Variants in ABCA2 observed in about 807,000 individuals in gnomAD.
ABCA2 encodes the protein ATP-binding cassette sub-family A member 2.
In ABCA2, 84 loss-of-function variants were observed where a neutral mutation model predicts 262.8. The ratio of observed to expected loss-of-function variants is 0.32; its 90% confidence interval spans 0.27 to 0.38. The LOEUF is 0.38. Ranked by LOEUF, ABCA2 falls within the 10% of genes least tolerant of loss-of-function variation. The pLI, the probability that ABCA2 is intolerant of heterozygous loss-of-function variation, is 1.00. For missense variants in ABCA2, 2,662 were observed against 3,405.9 expected, an observed-to-expected ratio of 0.78 and a Z score of 5.44; for synonymous variants, 1,696 against 1,502.9, an observed-to-expected ratio of 1.13 and a Z score of -2.97.
At position 137,009,347 on chromosome 9, in the gene ABCA2, C is replaced by CCCCTGG. The variant is rs753353517; in HGVS notation, c.6827+17_6827+22dup. On this transcript the variant is annotated intron_variant, in intron 45 of 48. Transcript: ENST00000341511. ...CCCCCCCCGGGCCCGCCCCAGCCCA[C>CCCCTGG]CCCTGGCCCTGCCCCGGCTCACCGG... The CCCCTGG allele has an allele frequency of 1.4e-5, 22 of 1,555,986 alleles. No individual in the cohort carries two copies. In the African/African-American group the frequency reaches 2.8e-4, roughly 20 times the overall value.
chr9:137,023,094 G>A, intron 3 of ABCA2, 42 bp from the exon 4 acceptor site: 1 of 1,423,110 alleles, frequency 7.0e-7, no homozygotes, highest in South Asian at 1.2e-5. Flanking sequence ...GGGTGAAAGG[G>A]GAGAGAGAGA....
At position 137,007,785 on chromosome 9, in the gene ABCA2, G is replaced by A; in HGVS notation, c.*144C>T. On this transcript the variant is annotated 3_prime_UTR_variant, in exon 49 of 49. Transcript: ENST00000341511. ...CCACAGGGCATGGCCGAGTACAGGG[G>A]CTGGAGGACCAGAAGCCCCTTGGTC... is the stretch of plus-strand genomic sequence containing the variant. 2 of 1,152,308 alleles carry A rather than the reference G, an allele frequency of 1.7e-6. No individual in the cohort carries two copies. Among genetic ancestry groups the A allele is most frequent in the South Asian group, 2.7e-5 (2 of 74,438 alleles). 71.4% of individuals were successfully genotyped at this position (1,152,308 alleles called of 1,614,324 possible).
Position 137,011,760 on chromosome 9 carries a change from G to C in ABCA2, c.5536-11C>G, listed in dbSNP as rs965511425. On this transcript the variant is annotated splice_polypyrimidine_tract_variant and intron_variant, in intron 35 of 48. Transcript: ENST00000341511. This position sits in a 1 kb window ranked among gnomAD's most constrained non-coding sequence, Gnocchi z 8.8. ...GACCAGGTAGTTGAGCTGCAGGGGT[G>C]GGGGCGGCTGGTGAGAGACCCGGGG... The C allele has an allele frequency of 9.0e-6, 14 of 1,550,304 alleles. No individual in the cohort carries two copies. Among genetic ancestry groups the C allele is most frequent in the Middle Eastern group, 3.3e-4 (2 of 5,992 alleles).
chr9:137,012,682 C>T, intron 31 of ABCA2, 30 bp downstream of exon 31: 2 of 1,611,484 alleles, frequency 1.2e-6, no homozygotes, highest in African/African-American at 1.3e-5. Context: ...GGCCGGCCAC[C>T]CTCACCCACA....
intron 40 of ABCA2, 115 bp from the exon 41 acceptor site, chr9:137,010,486 G>A: frequency 2.6e-6 from 3 of 1,154,478 alleles, no homozygotes; most frequent in South Asian, 2.8e-5. Context: ...GTGCCCCACA[G>A]CCCCACCCCA....
intron 1 of ABCA2, among the ~76,000 whole-genome samples, 195 bp from the exon 2 acceptor site, chr9:137,024,431 A>G (rs1831582742): frequency 6.6e-6 from 1 of 152,218 alleles, no homozygotes; most frequent in Non-Finnish European, 1.5e-5. Flanking sequence ...TGTCTGGCTC[A>G]GCAAATCAGG....
Position 137,015,034 on chromosome 9 carries a change from A to G in ABCA2, c.3761T>C (p.Val1254Ala). Reference sequence around the variant, plus strand: ...CACATGCTTGCGGATGAACTGGGACACCTGGAGCTCGGAGCAGCTGCTCAG... The same window carrying G: ...CACATGCTTGCGGATGAACTGGGACGCCTGGAGCTCGGAGCAGCTGCTCAG... The part of the protein sequence containing the change: ...APLSSCSELQ[V>A]SQFIRKHVAS... Residue 1254 changes from valine to alanine, a missense_variant, in exon 25 of 49, where the codon GTG becomes GCG. By Grantham distance (64) the Val-to-Ala change is moderately conservative. Transcript: ENST00000341511. 6.2e-7 allele frequency: 1 copy of G among 1,607,648 alleles called. No individual in the cohort carries two copies. The highest frequency in any genetic ancestry group is 8.5e-7 in the Non-Finnish European group (1 of 1,177,362).
At chr9:137,025,973 G>A (rs1198888755) in intron 1 of ABCA2, among the ~76,000 whole-genome samples, 1 of 152,218 alleles carries the variant, frequency 6.6e-6, no homozygotes, top group African/African-American at 2.4e-5. Flanking sequence ...CCAGCCCAGT[G>A]CCTTCACATC....
At chr9:137,008,322 C>A (rs1456725101) in intron 48 of ABCA2, 94 bp downstream of exon 48, 1 of 1,416,300 alleles carries the variant, frequency 7.1e-7, no homozygotes, top group East Asian at 2.5e-5. Context: ...ATCCTGGGGC[C>A]AGTTCTCCCC....
rs370123392 is a variant in ABCA2, at chr9:137,019,106, G to A, written c.1555-36C>T. On this transcript the variant is annotated intron_variant, in intron 11 of 48. Coordinates refer to ENST00000341511, the MANE Select transcript of ABCA2 (RefSeq NM_001606.5). The surrounding 1 kb of genome is among the most constrained non-coding windows in gnomAD (Gnocchi z 4.4). Reference sequence around the variant, plus strand: ...AGGGGCGGCTCAGAGGGGGACCTGCGCCTGCCGAGCCGGGCAGAGAGGGGC... The same window carrying A: ...AGGGGCGGCTCAGAGGGGGACCTGCACCTGCCGAGCCGGGCAGAGAGGGGC... 62 of 1,601,632 alleles carry A rather than the reference G, an allele frequency of 3.9e-5. No individual in the cohort carries two copies. In the African/African-American group the frequency reaches 6.7e-4, roughly 17 times the overall value.
At chr9:137,010,149 CG>C (rs768767323) in intron 41 of ABCA2, 25 bp from the exon 42 acceptor site, 2 of 1,591,666 alleles carry the variant, frequency 1.3e-6, no homozygotes, top group Admixed American at 1.7e-5. Flanking sequence ...GCTGTCAGCG[CG>C]TGAGGACGCG....
In ABCA2 at chr9:137,018,333, C is replaced by T. The variant is rs368762705; in HGVS notation, c.1838G>A (p.Arg613Gln). Residue 613 changes from arginine to glutamine, a missense_variant, in exon 14 of 49, where the codon CGG becomes CAG. Arg to Gln is a conservative substitution (Grantham distance 43, BLOSUM62 1). Coordinates refer to ENST00000341511, the MANE Select transcript of ABCA2 (RefSeq NM_001606.5). ...GTGAGGCGGGAGCGAGCCGTCCTTC[C>T]GGGTCTGGAAGATCACACCTGGGGC... ...TVFASVIFQT[R>Q]KDGSLPPHVH... 4.2e-5 allele frequency: 57 copies of T among 1,344,202 alleles called. No homozygotes were observed. The Middle Eastern group carries it at 6.3e-4, about 15-fold the overall frequency. The allele number at this position is 1,344,202 out of a possible 1,614,324, so 83.3% of individuals were successfully genotyped here.
Position 137,007,787 on chromosome 9 carries a change from TGGAGGACCAGAAGCCCC to T in ABCA2, c.*125_*141del. On this transcript the variant is annotated 3_prime_UTR_variant, in exon 49 of 49. Coordinates refer to ENST00000341511, the MANE Select transcript of ABCA2 (RefSeq NM_001606.5). ...ACAGGGCATGGCCGAGTACAGGGGC[TGGAGGACCAGAAGCCCC>T]TTGGTCCTGAACCTCCACTCCAGGC... 1 of 1,176,546 alleles carries T rather than the reference TGGAGGACCAGAAGCCCC, an allele frequency of 8.5e-7. No homozygotes were observed. The highest frequency in any genetic ancestry group is 1.2e-6 in the Non-Finnish European group (1 of 825,282). 72.9% of individuals were successfully genotyped at this position (1,176,546 alleles called of 1,614,324 possible).
At chr9:137,028,779 G>A (rs1564236828), upstream of ABCA2, 3 of 1,292,350 alleles carry the variant, frequency 2.3e-6, no homozygotes, top group Non-Finnish European at 3.0e-6. The surrounding 1 kb of genome is among the most constrained non-coding windows in gnomAD (Gnocchi z 6.9). Context: ...CAGCGGAAGG[G>A]GGGAAACTCG....
intron 41 of ABCA2, 33 bp downstream of exon 41, chr9:137,010,160 G>C: frequency 7.5e-6 from 12 of 1,592,654 alleles, no homozygotes; most frequent in Non-Finnish European, 1.0e-5. Context: ...GTGAGGACGC[G>C]GCGGCCCCGC....
chr9:137,011,208 G>A lies in ABCA2; in HGVS notation c.5901C>T (p.Ile1967=). Residue 1967 remains isoleucine, a synonymous_variant, in exon 38 of 49, where the codon ATC becomes ATT. Coordinates refer to ENST00000341511, the MANE Select transcript of ABCA2 (RefSeq NM_001606.5). The surrounding 1 kb of genome is among the most constrained non-coding windows in gnomAD (Gnocchi z 8.8). Reference sequence around the variant, plus strand: ...CACCAATCTTGGCGTAGTACTCGTTGATGTACTCGTTGTAGGCCATCTCCA... The same window carrying A: ...CACCAATCTTGGCGTAGTACTCGTTAATGTACTCGTTGTAGGCCATCTCCA... ...GLMEMAYNEY[I]NEYYAKIGQF... 6.2e-7 allele frequency: 1 copy of A among 1,612,562 alleles called. No individual in the cohort carries two copies.
chr9:137,012,376 C>G lies in ABCA2; in HGVS notation c.5188G>C (p.Val1730Leu). 6.2e-7 allele frequency: 1 copy of G among 1,611,988 alleles called. No homozygotes were observed. Among genetic ancestry groups the G allele is most frequent in the Admixed American group, 1.7e-5 (1 of 59,998 alleles). ...RKIAVRRAAQ[V>L]FYNNKGYHSM... ...TGATAGCCCTTGTTGTTGTAGAAAA[C>G]CTGCAGAAGGAAGAGGACACAGAAA... is the stretch of plus-strand genomic sequence containing the variant. The change falls in exon 33 of 49, where the codon GTT becomes CTT. Residue 1730 changes from valine to leucine, a missense_variant and splice_region_variant. Physicochemically the swap from Val to Leu is conservative, Grantham distance 32. Transcript: ENST00000341511.
rs550887746 is a variant in ABCA2 at position 137,014,528 on chromosome 9, C to T, written c.4004-124G>A. On this transcript the variant is annotated intron_variant, in intron 26 of 48. Coordinates refer to ENST00000341511, the MANE Select transcript of ABCA2 (RefSeq NM_001606.5). ...TACACCTGTCCGGGACCTCTGGCCA[C>T]CAGGACCACCCACCTAGGACCGCAG... 2.1e-6 allele frequency: 3 copies of T among 1,445,048 alleles called. No homozygotes were observed. The Admixed American group carries it at 6.5e-5, about 32-fold the overall frequency. The allele number at this position is 1,445,048 out of a possible 1,614,324, so 89.5% of individuals were successfully genotyped here.
intron 9 of ABCA2, 81 bp downstream of exon 9, chr9:137,020,613 C>A: frequency 6.4e-7 from 1 of 1,562,314 alleles, no homozygotes; most frequent in Non-Finnish European, 8.6e-7. Flanking sequence ...AATGAGACCT[C>A]CAGAGCCAGA....
Sources: gnomAD v4.1 joint callset for allele counts (sites outside exome capture counted in the v4.1 genomes callset) on GRCh38, gnomAD v4.1.1 for gene constraint, Gnocchi (gnomAD v3.1) non-coding constraint, MANE v1.5 for transcripts, NCBI Gene and HGNC (gene_info 2026-07-23, HGNC 2026-07-21) for gene names.